CFAP36: variants seen among roughly 807,000 people sequenced by gnomAD.
The protein encoded by CFAP36 is cilia- and flagella-associated protein 36.
A neutral mutation model predicts 50.5 loss-of-function variants in CFAP36; 37 were observed. The ratio of observed to expected loss-of-function variants is 0.73; its 90% confidence interval spans 0.56 to 0.96. The LOEUF (loss-of-function observed/expected upper bound fraction) is 0.96. Ranked by LOEUF, CFAP36 falls within the 50% of genes least tolerant of loss-of-function variation. CFAP36 has a pLI of 0.00. For synonymous variants in CFAP36, 138 were observed against 128.2 expected (o/e 1.08, Z -0.52); for missense variants, 407 against 396.2 (o/e 1.03, Z -0.23).
At chr2:55,541,195 G>A (rs56201841) in intron 7 of CFAP36, among the ~76,000 whole-genome samples, 137 of 151,846 alleles carry the variant, frequency 9.0e-4, no homozygotes, top group South Asian at 5.4e-3. Flanking sequence ...ATCGTGGCAA[G>A]TTCCTGTAAT....
rs755633302 is a variant in CFAP36, at chr2:55,520,401, A to T, written c.115+485A>T. 12 of 1,538,812 alleles carry T rather than the reference A, an allele frequency of 7.8e-6. 1 individual carries two copies. The South Asian group carries it at 1.5e-4, about 19-fold the overall frequency. On this transcript the variant is annotated intron_variant, in intron 1 of 9. Coordinates refer to ENST00000349456, the MANE Select transcript of CFAP36 (RefSeq NM_080667.7). ...TGAGAAATGATTTCACTCCAAACCA[A>T]CAGTTAACTGCAAAGGAGGGCATGT...
At chr2:55,544,514 T>A (rs1483004287) in intron 9 of CFAP36, 145 bp downstream of exon 9, 25 of 725,930 alleles carry the variant, frequency 3.4e-5, no homozygotes, top group Non-Finnish European at 4.8e-5. Context: ...TGCTAAGTCT[T>A]TTCTAGGAAG....
intron 1 of CFAP36, chr2:55,520,506 A>C: frequency 1.3e-6 from 2 of 1,518,446 alleles, no homozygotes; most frequent in Non-Finnish European, 1.8e-6. Flanking sequence ...TCGCTATACC[A>C]AAAATTGGCG....
rs1330205994 is a variant in CFAP36, at chr2:55,520,460, G to A, written c.115+544G>A. The stretch of plus-strand genomic sequence containing the variant: ...CAGGAAGCCCAGAGCCGGTGATTTT[G>A]GTGGCCTGTGTTCCCCTTGGTGAGC... On this transcript the variant is annotated intron_variant, in intron 1 of 9. Transcript: ENST00000349456. 2.6e-6 allele frequency: 4 copies of A among 1,548,664 alleles called. No individual in the cohort carries two copies. The Admixed American group carries it at 7.9e-5, about 31-fold the overall frequency.
In CFAP36 at chr2:55,528,980, C is replaced by T; in HGVS notation, c.385C>T (p.Gln129Ter). Residue 129 changes from glutamine to a stop codon, truncating the protein, a stop_gained, in exon 4 of 10, where the codon CAA becomes TAA. Coordinates refer to ENST00000349456, the MANE Select transcript of CFAP36 (RefSeq NM_080667.7). LOFTEE classifies it high-confidence loss of function. ...GCAGCTGCAAGCCATTCGAATAATT[C>T]AAGAGAGAAATGGTAAAATGTTGAA... ...EMQLQAIRII[Q>*]ERNGVLPDCL... is the part of the protein sequence containing the mutation. The T allele has an allele frequency of 1.2e-6, 2 of 1,603,006 alleles. No individual in the cohort carries two copies. Among genetic ancestry groups the T allele is most frequent in the Non-Finnish European group, 1.7e-6 (2 of 1,174,532 alleles).
chr2:55,525,206 C>G (rs1487401023), intron 3 of CFAP36, among the ~76,000 whole-genome samples: 2 of 152,112 alleles, frequency 1.3e-5, no homozygotes, highest in African/African-American at 4.8e-5. Context: ...AATCCCAGCA[C>G]TTTGGGAGAC....
chr2:55,527,536 C>T (rs993075575), intron 3 of CFAP36, among the ~76,000 whole-genome samples: 21 of 151,828 alleles, frequency 1.4e-4, no homozygotes, highest in African/African-American at 3.6e-4. Flanking sequence ...GAGCTGAGAT[C>T]GCGCCACTGC....
rs548549827 is a variant in CFAP36 at position 55,529,000 on chromosome 2, G to T, written c.397+8G>T. ...TAATTCAAGAGAGAAATGGTAAAAT[G>T]TTGAAGTTAGAAATCTAAGTACTAA... On this transcript the variant is annotated splice_region_variant and intron_variant, in intron 4 of 9. Transcript: ENST00000349456. 4 of 1,584,570 alleles carry T rather than the reference G, an allele frequency of 2.5e-6. No homozygotes were observed. In the African/African-American group the frequency reaches 5.4e-5, roughly 21 times the overall value.
At chr2:55,537,618 A>C (rs1558913666) in intron 7 of CFAP36, 33 bp downstream of exon 7, 2 of 1,382,974 alleles carry the variant, frequency 1.4e-6, no homozygotes. Flanking sequence ...TTTCTCTAAT[A>C]ATATGAATAC....
At chr2:55,526,294 C>T (rs984821999) in intron 3 of CFAP36, among the ~76,000 whole-genome samples, 1 of 152,188 alleles carries the variant, frequency 6.6e-6, no homozygotes, top group African/African-American at 2.4e-5. Context: ...GTACATAGTT[C>T]TCAATAAATG....
chr2:55,529,325 G>A (rs1422509063), intron 4 of CFAP36, among the ~76,000 whole-genome samples: 3 of 152,022 alleles, frequency 2.0e-5, no homozygotes, highest in African/African-American at 7.2e-5. Flanking sequence ...GGGAGGCTGA[G>A]GCAGGAGAAT....
At chr2:55,544,626 AG>A (rs1684725204) in intron 9 of CFAP36, among the ~76,000 whole-genome samples, 1 of 152,086 alleles carries the variant, frequency 6.6e-6, no homozygotes, top group Non-Finnish European at 1.5e-5. Flanking sequence ...TGAGTATGTC[AG>A]GGTTGGTGGT....
At chr2:55,530,442 C>T (rs1055487876) in intron 4 of CFAP36, among the ~76,000 whole-genome samples, 1 of 152,214 alleles carries the variant, frequency 6.6e-6, no homozygotes, top group African/African-American at 2.4e-5. Context: ...TGGGACCACA[C>T]CAACACCCAC....
At chr2:55,522,421 C>G (rs1277714701) in intron 2 of CFAP36, among the ~76,000 whole-genome samples, 1 of 152,128 alleles carries the variant, frequency 6.6e-6, no homozygotes, top group Non-Finnish European at 1.5e-5. Context: ...ATATCTTATT[C>G]TTATTTTGTT....
intron 7 of CFAP36, among the ~76,000 whole-genome samples, chr2:55,543,446 T>C (rs1684692850): frequency 6.6e-6 from 1 of 152,182 alleles, no homozygotes; most frequent in Non-Finnish European, 1.5e-5. Flanking sequence ...TACATAATTA[T>C]AAACAAAAAT....
At chr2:55,543,001 G>C (rs1684677449) in intron 7 of CFAP36, among the ~76,000 whole-genome samples, 1 of 152,010 alleles carries the variant, frequency 6.6e-6, no homozygotes, top group African/African-American at 2.4e-5. Flanking sequence ...GGAGTGGTCT[G>C]TTGTCAAGTT....
At chr2:55,533,516 G>T (rs1161405558) in intron 4 of CFAP36, among the ~76,000 whole-genome samples, 1 of 151,642 alleles carries the variant, frequency 6.6e-6, no homozygotes, top group African/African-American at 2.4e-5. Flanking sequence ...CCAGCCTGCC[G>T]ACATGGTGAA....
intron 7 of CFAP36, among the ~76,000 whole-genome samples, chr2:55,540,047 ATG>A (rs1684593093): frequency 6.6e-6 from 1 of 152,126 alleles, no homozygotes; most frequent in Non-Finnish European, 1.5e-5. Context: ...CCTTTATCAG[ATG>A]TGTCTTCTGA....
At chr2:55,522,222 C>A in intron 2 of CFAP36, 56 bp downstream of exon 2, 2 of 866,252 alleles carry the variant, frequency 2.3e-6, no homozygotes, top group South Asian at 1.9e-5. Context: ...CTACTTATAG[C>A]TTTTCTAAAT....
Sources: gnomAD v4.1 joint callset for allele counts (sites outside exome capture counted in the v4.1 genomes callset) on GRCh38, gnomAD v4.1.1 for gene constraint, MANE v1.5 for transcripts, NCBI Gene and HGNC (gene_info 2026-07-23, HGNC 2026-07-21) for gene names.